PCDH15: variants seen among roughly 807,000 people sequenced by gnomAD.
PCDH15 encodes protocadherin related 15.
PCDH15 carries 129 observed loss-of-function variants against 178.5 expected under a neutral mutation model. The observed-to-expected ratio is 0.72, with a 90% CI of 0.63 to 0.84. PCDH15 has a LOEUF of 0.84. PCDH15 is among the 40% of genes least tolerant of loss of function. The pLI, the probability that PCDH15 is intolerant of heterozygous loss-of-function variation, is 0.00. For missense variants in PCDH15, 2,230 were observed against 2,099.9 expected (o/e 1.06, Z -1.21); for synonymous variants, 800 against 732.0 (o/e 1.09, Z -1.50).
chr10:54,533,164 T>A (rs992045700), intron 2 of PCDH15, among the ~76,000 whole-genome samples: 1 of 152,254 alleles, frequency 6.6e-6, no homozygotes. Flanking sequence ...GGTGATGTTT[T>A]TGTAACCATA....
Position 54,310,203 on chromosome 10 carries a change from G to A in PCDH15, c.876+7068C>T, listed in dbSNP as rs184011028. 1.6e-3 allele frequency among the ~76,000 whole-genome samples: 244 copies of A among 152,166 alleles called. 1 individual carries two copies. Among genetic ancestry groups the A allele is most frequent in the African/African-American group, 3.5e-3 (146 of 41,534 alleles). ...TACTTTGAATGATAAGATAAAAGCCGTGGAATTCATTTGGTGTATGATGGA... is the reference window on the plus strand; with the variant it reads ...TACTTTGAATGATAAGATAAAAGCCATGGAATTCATTTGGTGTATGATGGA... On this transcript the variant is annotated intron_variant, in intron 8 of 37. Transcript: ENST00000644397.
intron 8 of PCDH15, among the ~76,000 whole-genome samples, chr10:54,242,798 G>C (rs1446789294): frequency 6.6e-6 from 1 of 152,092 alleles, no homozygotes; most frequent in Non-Finnish European, 1.5e-5. Flanking sequence ...TTAACTGAAG[G>C]CATTATAATT....
intron 2 of PCDH15, among the ~76,000 whole-genome samples, chr10:55,099,879 A>G (rs1490437481): frequency 2.0e-5 from 3 of 152,098 alleles, no homozygotes; most frequent in Non-Finnish European, 4.4e-5. Context: ...TTTAGGGGTA[A>G]ATTCTAAGTG....
intron 21 of PCDH15, among the ~76,000 whole-genome samples, chr10:53,968,998 A>C (rs1004650396): frequency 6.6e-6 from 1 of 152,220 alleles, no homozygotes; most frequent in African/African-American, 2.4e-5. Flanking sequence ...AGCTGGATGG[A>C]GAATGACTTT....
In PCDH15 at chr10:55,490,244, G is replaced by A. The variant is rs145746030; in HGVS notation, c.-156+137381C>T. On this transcript the variant is annotated intron_variant, in intron 2 of 5. Transcript: ENST00000613346. Reference sequence around the variant, plus strand: ...GGTTTTGCCACACTTAGGAGGCAGAGATCAGAGTTGAGGGACACTAAGGTT... The same window carrying A: ...GGTTTTGCCACACTTAGGAGGCAGAAATCAGAGTTGAGGGACACTAAGGTT... Among the ~76,000 whole-genome samples, 1,158 of 151,826 alleles carry A rather than the reference G, an allele frequency of 7.6e-3. 17 individuals carry two copies. Among genetic ancestry groups the A allele is most frequent in the African/African-American group, 0.027 (1,104 of 41,476 alleles).
chr10:54,153,201 T>C lies in PCDH15; in HGVS notation c.1683A>G (p.Thr561=), dbSNP rs2133338631. The part of the protein sequence containing the change: ...GAQGDFIINK[T]TGLITIAPGV... ...CTGGAGCGATGGTGATAAGCCCTGTTGTTTTATTGATGATGAAGTCTCCCT... is the reference window on the plus strand; with the variant it reads ...CTGGAGCGATGGTGATAAGCCCTGTCGTTTTATTGATGATGAAGTCTCCCT... Residue 561 remains threonine (T), a synonymous_variant, in exon 14 of 38, where the codon ACA becomes ACG. Coordinates refer to ENST00000644397, the MANE Select transcript of PCDH15 (RefSeq NM_001384140.1). 6.2e-7 allele frequency: 1 copy of C among 1,613,950 alleles called. No individual in the cohort carries two copies. The highest frequency in any genetic ancestry group is 8.5e-7 in the Non-Finnish European group (1 of 1,179,904).
intron 1 of PCDH15, among the ~76,000 whole-genome samples, chr10:55,202,273 G>A (rs949514564): frequency 6.6e-6 from 1 of 151,994 alleles, no homozygotes; most frequent in Non-Finnish European, 1.5e-5. Context: ...GCAGCCACGG[G>A]GAAATACTTT....
intron 24 of PCDH15, 37 bp downstream of exon 24, chr10:53,940,829 G>A: frequency 7.0e-7 from 1 of 1,422,490 alleles, no homozygotes; most frequent in Non-Finnish European, 9.9e-7. Context: ...TAAGTTTACT[G>A]GTTGATGGTG....
At chr10:55,220,679 A>G (rs2132183323) in intron 1 of PCDH15, among the ~76,000 whole-genome samples, 1 of 152,224 alleles carries the variant, frequency 6.6e-6, no homozygotes, top group South Asian at 2.1e-4. Context: ...GATACAGTGA[A>G]AAATATGATA....
chr10:54,084,488 T>C (rs573972841), intron 16 of PCDH15, among the ~76,000 whole-genome samples: 107 of 151,014 alleles, frequency 7.1e-4, no homozygotes, highest in African/African-American at 2.6e-3. Flanking sequence ...ATAAAAAAAA[T>C]AAAAAAATAA....
chr10:54,333,319 T>C (rs1940270093), intron 6 of PCDH15, among the ~76,000 whole-genome samples: 1 of 152,124 alleles, frequency 6.6e-6, no homozygotes, highest in African/African-American at 2.4e-5. Flanking sequence ...CAATGGTGCT[T>C]CTGAAATGTT....
At chr10:55,076,499 T>C (rs1841891573) in intron 2 of PCDH15, among the ~76,000 whole-genome samples, 1 of 151,744 alleles carries the variant, frequency 6.6e-6, no homozygotes, top group Non-Finnish European at 1.5e-5. Context: ...TCACTGAGCC[T>C]GTAGTGAAGT....
chr10:54,498,281 C>G (rs1371317653), intron 3 of PCDH15, among the ~76,000 whole-genome samples: 1 of 152,062 alleles, frequency 6.6e-6, no homozygotes, highest in Non-Finnish European at 1.5e-5. Context: ...ACCACCAGAC[C>G]TGCCTTACAA....
chr10:54,752,502 AAAACAAAAAACAAACAAACAAACAAAC>A (rs1322637897), intron 1 of PCDH15, among the ~76,000 whole-genome samples: 1 of 90,978 alleles, frequency 1.1e-5, no homozygotes, highest in East Asian at 2.2e-4. Flanking sequence ...CAAAAAACAA[AAAACAAAAAACAAACAAACAAACAAAC>A]AAAAAAAAAC....
chr10:55,198,152 A>C (rs1338362869), intron 1 of PCDH15, among the ~76,000 whole-genome samples: 1 of 152,110 alleles, frequency 6.6e-6, no homozygotes, highest in Admixed American at 6.5e-5. Flanking sequence ...GTTCTTCTTC[A>C]CTGTTAAGGT....
At chr10:54,769,422 T>C (rs1948850458) in intron 1 of PCDH15, among the ~76,000 whole-genome samples, 1 of 151,812 alleles carries the variant, frequency 6.6e-6, no homozygotes, top group Admixed American at 6.6e-5. Flanking sequence ...TGCAGGGATG[T>C]TTCTCAGGAA....
At chr10:55,183,529 C>G (rs1032377349) in intron 1 of PCDH15, among the ~76,000 whole-genome samples, 2 of 151,724 alleles carry the variant, frequency 1.3e-5, no homozygotes, top group Admixed American at 1.3e-4. Flanking sequence ...CCCAGGAGTT[C>G]AAGACTAGCC....
Position 54,925,754 on chromosome 10 carries a change from T to A in PCDH15, c.-79-28254A>T, listed in dbSNP as rs1837605929. On this transcript the variant is annotated intron_variant, in intron 2 of 5. Coordinates refer to the PCDH15 transcript ENST00000458638. ...ATTTGGCACTTGGCTTGGCTTCTGA[T>A]GATGTATAGACATGTTAGTGATTTT... 3.3e-5 allele frequency among the ~76,000 whole-genome samples: 5 copies of A among 152,310 alleles called. No homozygotes were observed. In the South Asian group the frequency reaches 1.0e-3, roughly 32 times the overall value.
intron 3 of PCDH15, among the ~76,000 whole-genome samples, chr10:54,395,322 G>A (rs903102487): frequency 6.6e-5 from 10 of 151,568 alleles, no homozygotes; most frequent in Admixed American, 2.6e-4. Flanking sequence ...GGCTTCAGCA[G>A]GTCCCTCCGT....
Sources: allele counts gnomAD v4.1 joint callset (sites outside exome capture counted in the v4.1 genomes callset), GRCh38; gene constraint gnomAD v4.1.1; transcripts MANE v1.5; gene names NCBI Gene and HGNC (gene_info 2026-07-23, HGNC 2026-07-21).